Variants in SYNE3 observed in about 807,000 individuals in gnomAD.
SYNE3 encodes nesprin-3.
A neutral mutation model predicts 111.2 loss-of-function variants in SYNE3; 100 were observed. That is an observed-to-expected ratio of 0.90 (90% confidence interval 0.77 to 1.06). The LOEUF is 1.06. SYNE3 is among the 50% of genes least tolerant of loss of function. The pLI is 0.00. For synonymous variants in SYNE3, 547 were observed against 533.9 expected (o/e 1.02, Z -0.34); for missense variants, 1,160 against 1,240.3 (o/e 0.94, Z 0.97).
At chr14:95,509,369 C>G (rs759959221) in intron 1 of SYNE3, among the ~76,000 whole-genome samples, 1 of 152,108 alleles carries the variant, frequency 6.6e-6, no homozygotes, top group Non-Finnish European at 1.5e-5. Context: ...CAGCTGGGAA[C>G]GTGGGACCTA....
intron 1 of SYNE3, among the ~76,000 whole-genome samples, chr14:95,480,772 A>C (rs1020398829): frequency 1.3e-5 from 2 of 151,502 alleles, no homozygotes; most frequent in African/African-American, 4.9e-5. Flanking sequence ...GAAAAAAAAA[A>C]GGCCAGCCAT....
At chr14:95,514,467 G>A (rs113414908) in intron 1 of SYNE3, among the ~76,000 whole-genome samples, 19 of 152,362 alleles carry the variant, frequency 1.2e-4, no homozygotes, top group African/African-American at 4.6e-4. Flanking sequence ...AGGCAGAGCA[G>A]AGGGGAACCC....
chr14:95,432,887 G>C (rs1274388507), intron 16 of SYNE3, among the ~76,000 whole-genome samples: 1 of 152,028 alleles, frequency 6.6e-6, no homozygotes, highest in Admixed American at 6.5e-5. Context: ...TTCACTGCTT[G>C]GAGTCTCAGC....
chr14:95,439,589 C>T (rs773722800), intron 13 of SYNE3, 23 bp downstream of exon 13: 2 of 1,603,684 alleles, frequency 1.2e-6, no homozygotes, highest in Non-Finnish European at 1.7e-6. Flanking sequence ...AGACAACGCT[C>T]AGAGCCTAGG....
At position 95,485,480 on chromosome 14, in the gene SYNE3, G is replaced by A. The variant is rs1244422865; in HGVS notation, c.-14-9645C>T. On this transcript the variant is annotated intron_variant, in intron 1 of 17. Transcript: ENST00000682763. The surrounding 1 kb of genome is among the most constrained non-coding windows in gnomAD (Gnocchi z 4.3). ...CCCTGAAGGTAAACTGAGAGAGTCG[G>A]CTGCTCCCCGACCAAAGACAGGACG... is the stretch of plus-strand genomic sequence containing the variant. Among the ~76,000 whole-genome samples the A allele has an allele frequency of 6.6e-6, 1 of 152,136 alleles. No individual in the cohort carries two copies. The highest frequency in any genetic ancestry group is 2.4e-5 in the African/African-American group (1 of 41,424).
chr14:95,465,000 A>C (rs1350504014), intron 4 of SYNE3, among the ~76,000 whole-genome samples: 1 of 152,272 alleles, frequency 6.6e-6, no homozygotes, highest in East Asian at 1.9e-4. Flanking sequence ...AGGGAGACAT[A>C]ATACAGAACC....
chr14:95,467,838 C>T lies in SYNE3; in HGVS notation c.274G>A (p.Ala92Thr), dbSNP rs35481769. Reference sequence around the variant, plus strand: ...TAGGTGACTGTCTCCTCCCATTGGGCCTTGATGTCCTTCAGCCGGGCCAGG... The same window carrying T: ...TAGGTGACTGTCTCCTCCCATTGGGTCTTGATGTCCTTCAGCCGGGCCAGG... ...GILARLKDIK[A>T]QWEETVTYMT... Residue 92 changes from alanine (A) to threonine (T), a missense_variant, in exon 3 of 18, where the codon GCC becomes ACC. By Grantham distance (58) the Ala-to-Thr change is moderately conservative. Transcript: ENST00000682763. The T allele has an allele frequency of 1.2e-6, 2 of 1,614,204 alleles. No individual in the cohort carries two copies. The highest frequency in any genetic ancestry group is 1.7e-6 in the Non-Finnish European group (2 of 1,180,026).
chr14:95,434,298 T>A lies in SYNE3; in HGVS notation c.2539-889A>T, dbSNP rs1325767508. Among the ~76,000 whole-genome samples, 3 of 152,312 alleles carry A rather than the reference T, an allele frequency of 2.0e-5. No individual in the cohort carries two copies. In the East Asian group the frequency reaches 5.8e-4, roughly 29 times the overall value. On this transcript the variant is annotated intron_variant, in intron 15 of 17. Transcript: ENST00000682763. ...AAACCCAGGGCAGTCAGTGCTGTGT[T>A]CAGATCTGCTTTTGCCCACAGAACA... is the stretch of plus-strand genomic sequence containing the variant.
intron 2 of SYNE3, 28 bp downstream of exon 2, chr14:95,475,650 G>A (rs1254318181): frequency 6.8e-7 from 1 of 1,480,408 alleles, no homozygotes; most frequent in Non-Finnish European, 9.0e-7. Flanking sequence ...AAGACCACAG[G>A]GCCATCTGAG....
chr14:95,451,088 T>C (rs894734266), intron 7 of SYNE3: 1 of 152,154 alleles, frequency 6.6e-6, no homozygotes, highest in Non-Finnish European at 1.5e-5. Flanking sequence ...TGGCAGCCAC[T>C]CAGGATAAGG....
At position 95,462,534 on chromosome 14, in the gene SYNE3, C is replaced by T. The variant is rs187401124; in HGVS notation, c.627+3397G>A. Among the ~76,000 whole-genome samples, 316 of 152,360 alleles carry T rather than the reference C, an allele frequency of 2.1e-3. 1 individual carries two copies. Among genetic ancestry groups the T allele is most frequent in the Admixed American group, 4.3e-3 (66 of 15,308 alleles). On this transcript the variant is annotated intron_variant, in intron 4 of 17. Transcript: ENST00000682763. ...ACCATGGAGGGAGTCTCCCCCTCACCGCACCCCAAACCTCCCCCATCACCG... is the reference window on the plus strand; with the variant it reads ...ACCATGGAGGGAGTCTCCCCCTCACTGCACCCCAAACCTCCCCCATCACCG...
Position 95,467,835 on chromosome 14 carries a change from G to C in SYNE3, c.277C>G (p.Gln93Glu). The change falls in exon 3 of 18, where the codon CAA (glutamine) becomes GAA (glutamate). Residue 93 changes from glutamine (Q) to glutamate (E), a missense_variant. By Grantham distance (29) the Gln-to-Glu change is conservative. Transcript: ENST00000682763. ...ILARLKDIKAQWEETVTYMTH... is the reference protein window; with the variant it reads ...ILARLKDIKAEWEETVTYMTH... ...ATGTAGGTGACTGTCTCCTCCCATTGGGCCTTGATGTCCTTCAGCCGGGCC... is the reference window on the plus strand; with the variant it reads ...ATGTAGGTGACTGTCTCCTCCCATTCGGCCTTGATGTCCTTCAGCCGGGCC... 1 of 1,614,166 alleles carries C rather than the reference G, an allele frequency of 6.2e-7. No homozygotes were observed. Among genetic ancestry groups the C allele is most frequent in the Non-Finnish European group, 8.5e-7 (1 of 1,180,024 alleles).
chr14:95,424,523 T>G (rs1390599941), intron 17 of SYNE3, among the ~76,000 whole-genome samples: 1 of 152,156 alleles, frequency 6.6e-6, no homozygotes, highest in Non-Finnish European at 1.5e-5. Context: ...AAAGCAATGG[T>G]AGCAACTTCA....
At chr14:95,504,531 T>A (rs1028644714) in intron 1 of SYNE3, among the ~76,000 whole-genome samples, 19 of 152,242 alleles carry the variant, frequency 1.2e-4, no homozygotes, top group Non-Finnish European at 2.5e-4. Flanking sequence ...TTACAGTCAT[T>A]TAGGGGGCCT....
At chr14:95,443,102 A>T in intron 11 of SYNE3, 53 bp downstream of exon 11, 5 of 1,605,214 alleles carry the variant, frequency 3.1e-6, no homozygotes, top group Non-Finnish European at 8.5e-7. Flanking sequence ...GGCGTGTTGG[A>T]TGACAGGGGC....
intron 17 of SYNE3, among the ~76,000 whole-genome samples, chr14:95,428,098 CAAT>C (rs1047220001): frequency 1.1e-4 from 16 of 152,258 alleles, no homozygotes; most frequent in African/African-American, 3.6e-4. Context: ...GCTGCACCTT[CAAT>C]GTAAGGAGAA....
At chr14:95,481,056 C>T (rs1156511751) in intron 1 of SYNE3, among the ~76,000 whole-genome samples, 6 of 152,196 alleles carry the variant, frequency 3.9e-5, no homozygotes. Flanking sequence ...CTGACTGGGG[C>T]AGGTGTGGGA....
At chr14:95,418,086 T>C (rs998839249) in intron 17 of SYNE3, 60 bp from the exon 18 acceptor site, 3 of 1,578,736 alleles carry the variant, frequency 1.9e-6, no homozygotes, top group Non-Finnish European at 1.7e-6. Context: ...GGGGGGCAGG[T>C]TCAGGGGGCG....
At position 95,418,001 on chromosome 14, in the gene SYNE3, G is replaced by A; in HGVS notation, c.2753C>T (p.Ser918Phe). 1.2e-6 allele frequency: 2 copies of A among 1,611,640 alleles called. No homozygotes were observed. Among genetic ancestry groups the A allele is most frequent in the Non-Finnish European group, 8.5e-7 (1 of 1,179,808 alleles). The change falls in exon 18 of 18, where the codon TCC becomes TTC. Residue 918 changes from serine (S) to phenylalanine (F), a missense_variant. Coordinates refer to ENST00000682763, the MANE Select transcript of SYNE3 (RefSeq NM_152592.6). ...QKTRRWRGLG[S>F]LFRRACCVAL... ...CACACAGCACGCCCTCCGGAAGAGG[G>A]AGCCCAGTCCTCGCCACCGCCGAGT...
Sources: allele counts gnomAD v4.1 joint callset (sites outside exome capture counted in the v4.1 genomes callset), GRCh38; gene constraint gnomAD v4.1.1; non-coding constraint Gnocchi (gnomAD v3.1); transcripts MANE v1.5; gene names NCBI Gene and HGNC (gene_info 2026-07-23, HGNC 2026-07-21).